The following CCDC7 variants were observed in gnomAD, a reference collection of about 807,000 sequenced individuals.
CCDC7 encodes coiled-coil domain containing 7, also known as coiled-coil domain-containing protein 7.
A neutral mutation model predicts 196.9 loss-of-function variants in CCDC7; 183 were observed. The ratio of observed to expected loss-of-function variants is 0.93; its 90% confidence interval spans 0.82 to 1.05. The LOEUF (loss-of-function observed/expected upper bound fraction) is 1.05. Among genes scored for constraint, CCDC7 ranks in the 50% least tolerant of loss-of-function variants. CCDC7 has a pLI of 0.00. For synonymous variants in CCDC7, 525 were observed against 484.6 expected, an observed-to-expected ratio of 1.08 and a Z score of -1.10; for missense variants, 1,540 against 1,482.2, an observed-to-expected ratio of 1.04 and a Z score of -0.64.
At chr10:32,720,568 A>G (rs1478743868) in intron 25 of CCDC7, among the ~76,000 whole-genome samples, 4 of 152,102 alleles carry the variant, frequency 2.6e-5, no homozygotes, top group Non-Finnish European at 4.4e-5. Context: ...AACTTAAACT[A>G]TAATTATAAT....
chr10:32,541,707 G>A (rs1359340233), intron 11 of CCDC7, among the ~76,000 whole-genome samples: 1 of 152,190 alleles, frequency 6.6e-6, no homozygotes, highest in Non-Finnish European at 1.5e-5. Flanking sequence ...GCTTGTAGAG[G>A]TCACCGTGGA....
At chr10:32,712,249 G>A (rs1039191403) in intron 25 of CCDC7, among the ~76,000 whole-genome samples, 5 of 152,176 alleles carry the variant, frequency 3.3e-5, no homozygotes, top group Non-Finnish European at 7.4e-5. Context: ...TTGAATGTGA[G>A]CATGGCAGCA....
chr10:32,464,496 G>GTGTTTGTT (rs33997704), intron 5 of CCDC7, among the ~76,000 whole-genome samples: 73 of 151,446 alleles, frequency 4.8e-4, no homozygotes, highest in Middle Eastern at 6.8e-3. Context: ...TCAAGACTTT[G>GTGTTTGTT]TGTTTGTTTG....
chr10:32,828,562 G>A (rs1057153761), intron 32 of CCDC7, among the ~76,000 whole-genome samples: 4 of 143,714 alleles, frequency 2.8e-5, no homozygotes, highest in African/African-American at 5.1e-5. Flanking sequence ...GAAGAAGAAA[G>A]AAGAAGAAGA....
intron 33 of CCDC7, among the ~76,000 whole-genome samples, chr10:32,844,804 T>G (rs117661363): frequency 0.039 from 5,863 of 151,858 alleles, 120 homozygotes; most frequent in Middle Eastern, 0.051. Context: ...TCAAATTCTG[T>G]TTTGTGATGC....
At chr10:32,772,922 G>T (rs573802419) in intron 28 of CCDC7, among the ~76,000 whole-genome samples, 2 of 152,190 alleles carry the variant, frequency 1.3e-5, no homozygotes, top group Admixed American at 6.5e-5. Flanking sequence ...CTTTCAAAGG[G>T]TCCATAGATT....
chr10:32,605,166 T>C (rs2061442954), intron 18 of CCDC7, among the ~76,000 whole-genome samples: 1 of 152,140 alleles, frequency 6.6e-6, no homozygotes, highest in Non-Finnish European at 1.5e-5. Context: ...TCTCCCTCTT[T>C]GCTTTTCATC....
chr10:32,612,236 A>G (rs2062230101), intron 18 of CCDC7, among the ~76,000 whole-genome samples: 1 of 152,116 alleles, frequency 6.6e-6, no homozygotes, highest in Non-Finnish European at 1.5e-5. Context: ...TTCTTGGTGT[A>G]TAGGAAAGCT....
At chr10:32,668,641 G>A (rs927980835) in intron 21 of CCDC7, among the ~76,000 whole-genome samples, 1 of 152,070 alleles carries the variant, frequency 6.6e-6, no homozygotes, top group Non-Finnish European at 1.5e-5. Context: ...TGTGGTTTTT[G>A]TCTTTGGTTC....
chr10:32,498,217 C>CT (rs1299543452), intron 9 of CCDC7, among the ~76,000 whole-genome samples: 3 of 151,884 alleles, frequency 2.0e-5, no homozygotes, highest in Admixed American at 6.6e-5. Context: ...GCAAACCCTG[C>CT]TTTTTTTTGC....
At chr10:32,871,596 T>A (rs545182271) in intron 41 of CCDC7, among the ~76,000 whole-genome samples, 1 of 151,734 alleles carries the variant, frequency 6.6e-6, no homozygotes, top group South Asian at 2.1e-4. Flanking sequence ...GTGTCTCTAT[T>A]TCCTTCAATT....
chr10:32,697,550 AC>A (rs1483779852), intron 24 of CCDC7, among the ~76,000 whole-genome samples: 1 of 152,144 alleles, frequency 6.6e-6, no homozygotes, highest in Non-Finnish European at 1.5e-5. Flanking sequence ...CGGGTCCCAC[AC>A]CCATGGAGCC....
chr10:32,616,131 T>G (rs1172646828), intron 18 of CCDC7, among the ~76,000 whole-genome samples: 1 of 152,110 alleles, frequency 6.6e-6, no homozygotes, highest in Non-Finnish European at 1.5e-5. Flanking sequence ...TAAGATTGCT[T>G]TGGCTATTTG....
chr10:32,689,098 A>G (rs758790174), exon 23 of CCDC7: 1 of 1,608,830 alleles, frequency 6.2e-7, no homozygotes, highest in South Asian at 1.1e-5. Context: ...AGGCATCAAG[A>G]CTCAATGTCA....
chr10:32,750,998 T>C (rs2075572952), intron 28 of CCDC7, among the ~76,000 whole-genome samples: 1 of 152,160 alleles, frequency 6.6e-6, no homozygotes, highest in African/African-American at 2.4e-5. Context: ...AAATAATTAA[T>C]GGACAGAAAT....
chr10:32,878,348 AGGGATATAC>A (rs777621589), downstream of CCDC7, among the ~76,000 whole-genome samples: 106 of 152,236 alleles, frequency 7.0e-4, no homozygotes, highest in Middle Eastern at 0.02. Flanking sequence ...AGCTATTCAG[AGGGATATAC>A]AGAAAATATT....
chr10:32,451,622 G>T, upstream of CCDC7: 1 of 1,540,684 alleles, frequency 6.5e-7, no homozygotes, highest in Non-Finnish European at 8.7e-7. Flanking sequence ...TCTGTAATTT[G>T]GAAGCCAAGT....
intron 9 of CCDC7, among the ~76,000 whole-genome samples, chr10:32,515,940 C>G (rs189145525): frequency 1.3e-5 from 2 of 152,086 alleles, no homozygotes; most frequent in African/African-American, 2.4e-5. Context: ...AGGAGTAAAT[C>G]TTTGTGACAT....
chr10:32,701,466 G>T (rs1315204658), intron 24 of CCDC7, among the ~76,000 whole-genome samples: 1 of 152,186 alleles, frequency 6.6e-6, no homozygotes, highest in Non-Finnish European at 1.5e-5. Context: ...AGGGATATTG[G>T]TCTAAAATTC....
Sources: allele counts gnomAD v4.1 joint callset (sites outside exome capture counted in the v4.1 genomes callset), GRCh38; gene constraint gnomAD v4.1.1; transcripts MANE v1.5; gene names NCBI Gene and HGNC (gene_info 2026-07-23, HGNC 2026-07-21).